G6PC1: variants seen among roughly 807,000 people sequenced by gnomAD.
G6PC1 encodes glucose-6-phosphatase catalytic subunit 1.
A neutral mutation model predicts 30.4 loss-of-function variants in G6PC1; 23 were observed. That is an observed-to-expected ratio of 0.76 (90% CI 0.55 to 1.07). The LOEUF is 1.07. Ranked by LOEUF, G6PC1 falls within the 50% of genes least tolerant of loss-of-function variation. The pLI, the probability that G6PC1 is intolerant of heterozygous loss-of-function variation, is 0.00. For synonymous variants in G6PC1, 163 were observed against 175.6 expected (o/e 0.93, Z 0.57); for missense variants, 391 against 433.9 (o/e 0.90, Z 0.88).
chr17:42,902,596 A>ATC (rs2056033372), intron 1 of G6PC1, among the ~76,000 whole-genome samples: 2 of 152,160 alleles, frequency 1.3e-5, no homozygotes, highest in Non-Finnish European at 2.9e-5. Flanking sequence ...CAAACATCTG[A>ATC]TCTCCATTGA....
At chr17:42,905,281 T>G (rs2151930376) in intron 2 of G6PC1, among the ~76,000 whole-genome samples, 1 of 150,328 alleles carries the variant, frequency 6.7e-6, no homozygotes, top group Admixed American at 6.6e-5. Flanking sequence ...AAAAATTAGC[T>G]GGGTGTCCTG....
rs779263877 is a variant in G6PC1, at chr17:42,911,408, G to A, written c.1056G>A (p.Pro352=). 1.1e-5 allele frequency: 18 copies of A among 1,614,020 alleles called. No individual in the cohort carries two copies. The highest frequency in any genetic ancestry group is 1.6e-4 in the Middle Eastern group (1 of 6,084). Residue 352 remains proline, a synonymous_variant, in exon 5 of 5, where the codon CCG becomes CCA. Coordinates refer to ENST00000253801, the MANE Select transcript of G6PC1 (RefSeq NM_000151.4). The stretch of plus-strand genomic sequence containing the variant: ...GCCTCGCCCAGGTCCTGGGCCAGCC[G>A]CACAAGAAGTCGTTGTAAGAGATGT... ...PYCLAQVLGQ[P]HKKSL
In G6PC1 at chr17:42,911,455, C is replaced by T. The variant is rs1273525090; in HGVS notation, c.*29C>T. On this transcript the variant is annotated 3_prime_UTR_variant, in exon 5 of 5. Coordinates refer to ENST00000253801, the MANE Select transcript of G6PC1 (RefSeq NM_000151.4). ...ATGTGGAGTCTTCGGTGTTTAAAGT[C>T]AACAACCATGCCAGGGATTGAGGAG... The T allele has an allele frequency of 1.2e-6, 2 of 1,613,780 alleles. No homozygotes were observed. Among genetic ancestry groups the T allele is most frequent in the South Asian group, 1.1e-5 (1 of 90,976 alleles).
rs796714601 is a variant in G6PC1 at position 42,908,878 on chromosome 17, A to AT, written c.447-415dup. The stretch of plus-strand genomic sequence containing the variant: ...GCCACCCCACCTGGCTAATTTTGTA[A>AT]TTTTTTTTTTAGTAGAGATGGGGTT... On this transcript the variant is annotated intron_variant, in intron 3 of 4. Coordinates refer to ENST00000253801, the MANE Select transcript of G6PC1 (RefSeq NM_000151.4). Among the ~76,000 whole-genome samples, 912 of 140,806 alleles carry AT rather than the reference A, an allele frequency of 6.5e-3. 14 individuals carry two copies. The highest frequency in any genetic ancestry group is 0.022 in the African/African-American group (837 of 38,068). 92.4% of individuals were successfully genotyped at this position (140,806 alleles called of 152,430 possible).
chr17:42,909,240 G>T, intron 3 of G6PC1, 63 bp from the exon 4 acceptor site: 1 of 1,183,920 alleles, frequency 8.4e-7, no homozygotes, highest in East Asian at 2.3e-5. Flanking sequence ...TTTCTGCAGG[G>T]GCTGTTTTCT....
chr17:42,911,186 C>T lies in G6PC1; in HGVS notation c.834C>T (p.Ser278=). The T allele has an allele frequency of 6.2e-7, 1 of 1,614,148 alleles. No individual in the cohort carries two copies. The highest frequency in any genetic ancestry group is 1.1e-5 in the South Asian group (1 of 91,076). The change falls in exon 5 of 5, where the codon AGC becomes AGT. Residue 278 remains serine, a synonymous_variant. Coordinates refer to ENST00000253801, the MANE Select transcript of G6PC1 (RefSeq NM_000151.4). The part of the protein sequence containing the change: ...LFGLGLALNS[S]MYRESCKGKL... The stretch of plus-strand genomic sequence containing the variant: ...GCCTGGGGCTGGCTCTCAACTCCAG[C>T]ATGTACAGGGAGAGCTGCAAGGGGA...
intron 4 of G6PC1, among the ~76,000 whole-genome samples, chr17:42,910,274 G>A (rs1822956746): frequency 6.6e-6 from 1 of 152,298 alleles, no homozygotes; most frequent in Non-Finnish European, 1.5e-5. Context: ...TTTCTCCCCT[G>A]GAGATTTGTA....
chr17:42,903,031 T>G (rs1011975548), intron 1 of G6PC1, among the ~76,000 whole-genome samples: 1 of 151,092 alleles, frequency 6.6e-6, no homozygotes, highest in East Asian at 1.9e-4. Flanking sequence ...AAATACTTCT[T>G]GAGGTTAAAA....
At position 42,914,086 on chromosome 17, in the gene G6PC1, G is replaced by A. The variant is rs923689711; in HGVS notation, c.*2660G>A. ...AGAATCAAATGGTCCCAACCAGGGA[G>A]AAAGAAAATAGTCTTTTTTTTTTTT... On this transcript the variant is annotated 3_prime_UTR_variant, in exon 5 of 5. Coordinates refer to ENST00000253801, the MANE Select transcript of G6PC1 (RefSeq NM_000151.4). 1.3e-5 allele frequency among the ~76,000 whole-genome samples: 2 copies of A among 151,138 alleles called. No homozygotes were observed. The highest frequency in any genetic ancestry group is 4.9e-5 in the African/African-American group (2 of 40,692).
rs1246639251 is a variant in G6PC1, at chr17:42,913,081, G to C, written c.*1655G>C. The stretch of plus-strand genomic sequence containing the variant: ...GCCTCCCAAGGTGCTAGGATTACAG[G>C]CATGAGCCACCGCACCGGGCCCTCC... On this transcript the variant is annotated 3_prime_UTR_variant, in exon 5 of 5. Coordinates refer to ENST00000253801, the MANE Select transcript of G6PC1 (RefSeq NM_000151.4). The C allele has an allele frequency of 6.6e-6, 1 of 151,968 alleles. No homozygotes were observed. The allele number at this position is 151,968 out of a possible 1,614,324, so 9.4% of individuals were successfully genotyped here.
At chr17:42,907,478 T>G in intron 2 of G6PC1, 45 bp from the exon 3 acceptor site, 1 of 1,365,926 alleles carries the variant, frequency 7.3e-7, no homozygotes, top group Non-Finnish European at 1.0e-6. Flanking sequence ...GTCTCCCAGA[T>G]GAGGACCTTT....
At position 42,901,045 on chromosome 17, in the gene G6PC1, G is replaced by A. The variant is rs1208223313; in HGVS notation, c.169G>A (p.Val57Met). 1 of 1,614,210 alleles carries A rather than the reference G, an allele frequency of 6.2e-7. No homozygotes were observed. Among genetic ancestry groups the A allele is most frequent in the South Asian group, 1.1e-5 (1 of 91,084 alleles). Residue 57 changes from valine to methionine, a missense_variant, in exon 1 of 5, where the codon GTG becomes ATG. Transcript: ENST00000253801. ...FPIWFHLQEA[V>M]GIKLLWVAVI... Reference sequence around the variant, plus strand: ...CATCTGGTTCCATCTTCAGGAAGCTGTGGGCATTAAACTCCTTTGGGTAGC... The same window carrying A: ...CATCTGGTTCCATCTTCAGGAAGCTATGGGCATTAAACTCCTTTGGGTAGC...
At chr17:42,910,021 G>A (rs1438445383) in intron 4 of G6PC1, among the ~76,000 whole-genome samples, 1 of 151,932 alleles carries the variant, frequency 6.6e-6, no homozygotes, top group African/African-American at 2.4e-5. Context: ...CCGCCACCAT[G>A]CCCGGCTAAT....
rs2056110689 is a variant in G6PC1 at position 42,913,804 on chromosome 17, A to G, written c.*2378A>G. Among the ~76,000 whole-genome samples, 1 of 152,174 alleles carries G rather than the reference A, an allele frequency of 6.6e-6. No individual in the cohort carries two copies. Among genetic ancestry groups the G allele is most frequent in the Non-Finnish European group, 1.5e-5 (1 of 68,036 alleles). On this transcript the variant is annotated 3_prime_UTR_variant, in exon 5 of 5. Coordinates refer to ENST00000253801, the MANE Select transcript of G6PC1 (RefSeq NM_000151.4). ...AAGGTTTTGGGTTATAGTTCAAGAA[A>G]GTCTAAACAGAGCCAGTCACAGCAC...
At chr17:42,905,027 G>A (rs1393267260) in intron 2 of G6PC1, among the ~76,000 whole-genome samples, 1 of 151,942 alleles carries the variant, frequency 6.6e-6, no homozygotes, top group Non-Finnish European at 1.5e-5. Flanking sequence ...CAGGAGAATC[G>A]CTTGAACCTG....
chr17:42,904,607 G>A (rs1178682502), intron 2 of G6PC1, among the ~76,000 whole-genome samples: 1 of 152,106 alleles, frequency 6.6e-6, no homozygotes. Context: ...ACTAGGGAAG[G>A]TCCCTTAGTT....
rs756784163 is a variant in G6PC1, at chr17:42,911,080, G to A, written c.728G>A (p.Arg243Lys). The part of the protein sequence containing the change: ...DLLWTLEKAQ[R>K]WCEQPEWVHI... Reference sequence around the variant, plus strand: ...CTGTGGACTCTGGAGAAAGCCCAGAGGTGGTGCGAGCAGCCAGAATGGGTC... The same window carrying A: ...CTGTGGACTCTGGAGAAAGCCCAGAAGTGGTGCGAGCAGCCAGAATGGGTC... The change falls in exon 5 of 5, where the codon AGG becomes AAG. Residue 243 changes from arginine (R) to lysine (K), a missense_variant. Physicochemically the swap from Arg to Lys is conservative, Grantham distance 26. Transcript: ENST00000253801. The A allele has an allele frequency of 4.3e-6, 7 of 1,614,170 alleles. No homozygotes were observed. In the South Asian group the frequency reaches 6.6e-5, roughly 15 times the overall value.
In G6PC1 at chr17:42,900,931, C is replaced by T; in HGVS notation, c.55C>T (p.Leu19Phe). ...HDFGIQSTHY[L>F]QVNYQDSQDW... ...CTTTGGGATCCAGTCAACACATTAC[C>T]TCCAGGTGAATTACCAAGACTCCCA... The change falls in exon 1 of 5, where the codon CTC becomes TTC. Residue 19 changes from leucine (L) to phenylalanine (F), a missense_variant. By Grantham distance (22) the Leu-to-Phe change is conservative. Coordinates refer to ENST00000253801, the MANE Select transcript of G6PC1 (RefSeq NM_000151.4). 3 of 1,614,148 alleles carry T rather than the reference C, an allele frequency of 1.9e-6. No individual in the cohort carries two copies. The highest frequency in any genetic ancestry group is 1.7e-6 in the Non-Finnish European group (2 of 1,180,020).
chr17:42,902,913 C>T (rs2056035733), intron 1 of G6PC1, among the ~76,000 whole-genome samples: 1 of 151,978 alleles, frequency 6.6e-6, no homozygotes, highest in Non-Finnish European at 1.5e-5. Context: ...GGCTGGAGTG[C>T]ATTCTCTGAT....
Sources: allele counts gnomAD v4.1 joint callset (sites outside exome capture counted in the v4.1 genomes callset), GRCh38; gene constraint gnomAD v4.1.1; transcripts MANE v1.5; gene names NCBI Gene and HGNC (gene_info 2026-07-23, HGNC 2026-07-21).